Variants in EPM2A observed in about 807,000 individuals in gnomAD.
The protein encoded by EPM2A is EPM2A glucan phosphatase, laforin.
Under a neutral mutation model 26.5 loss-of-function variants are expected in EPM2A, and 21 were observed. The ratio of observed to expected loss-of-function variants is 0.79; its 90% CI spans 0.56 to 1.14. EPM2A has a LOEUF of 1.14. Ranked by LOEUF, EPM2A falls within the 50% of genes most tolerant of loss-of-function variation. The pLI is 0.00. For missense variants in EPM2A, 458 were observed against 440.8 expected (o/e 1.04, Z -0.35); for synonymous variants, 217 against 177.6 (o/e 1.22, Z -1.76).
intron 2 of EPM2A, among the ~76,000 whole-genome samples, chr6:145,648,677 G>T (rs1221085013): frequency 6.6e-6 from 1 of 152,080 alleles, no homozygotes; most frequent in African/African-American, 2.4e-5. Flanking sequence ...GAGGCAGTGG[G>T]GTGGCACCCA....
At chr6:145,547,012 A>G (rs1780590860) in intron 2 of EPM2A, among the ~76,000 whole-genome samples, 1 of 152,162 alleles carries the variant, frequency 6.6e-6, no homozygotes, top group Non-Finnish European at 1.5e-5. Context: ...TCAGGTATGC[A>G]TAAACAAATA....
rs148951955 is a variant in EPM2A at position 145,559,360 on chromosome 6, G to C, written c.341-56785C>G. On this transcript the variant is annotated intron_variant, in intron 2 of 3. Transcript: ENST00000450221. ...GGATTTGCAAAAATAAACAAATCCT[G>C]GTTCATCCTAGTTTTCACTTCTTGA... Among the ~76,000 whole-genome samples the C allele has an allele frequency of 5.3e-5, 8 of 152,074 alleles. No homozygotes were observed. The East Asian group carries it at 9.7e-4, about 18-fold the overall frequency.
chr6:145,635,343 C>T lies in EPM2A; in HGVS notation c.620G>A (p.Arg207His), dbSNP rs571938170. 309 of 1,614,046 alleles carry T rather than the reference C, an allele frequency of 1.9e-4. 1 individual carries two copies. In the South Asian group the frequency reaches 3.1e-3, roughly 16 times the overall value. The change falls in exon 3 of 4, where the codon CGC becomes CAC. Residue 207 changes from arginine (R) to histidine (H), a missense_variant. By Grantham distance (29) the Arg-to-His change is conservative. Transcript: ENST00000367519. The part of the protein sequence containing the change: ...DIVQNSSGCN[R>H]YPEPMTPDTM... ...GTCTGGAGTCATGGGCTCTGGGTAG[C>T]GGTTACAGCCTGAGGAATTCTGTAC...
chr6:145,671,238 C>A (rs1362279492), intron 2 of EPM2A: 2 of 1,048,952 alleles, frequency 1.9e-6, no homozygotes, highest in Non-Finnish European at 1.2e-6. Flanking sequence ...TGTATACATA[C>A]TTATTAAAAA....
intron 4 of EPM2A, among the ~76,000 whole-genome samples, chr6:145,466,338 G>C (rs1779392918): frequency 6.6e-6 from 1 of 152,096 alleles, no homozygotes; most frequent in African/African-American, 2.4e-5. Context: ...CAAAGGACAT[G>C]AACAGACACT....
At chr6:145,430,624 A>C (rs1778909498) in intron 4 of EPM2A, among the ~76,000 whole-genome samples, 1 of 152,110 alleles carries the variant, frequency 6.6e-6, no homozygotes, top group African/African-American at 2.4e-5. Flanking sequence ...AAGAACCATT[A>C]ATAGCATACG....
At chr6:145,535,104 A>G (rs1426510847) in intron 2 of EPM2A, among the ~76,000 whole-genome samples, 1 of 152,240 alleles carries the variant, frequency 6.6e-6, no homozygotes, top group Non-Finnish European at 1.5e-5. Flanking sequence ...GAAAAAGAAT[A>G]GATGAATCTT....
intron 4 of EPM2A, among the ~76,000 whole-genome samples, chr6:145,398,601 G>C (rs1392068337): frequency 6.6e-6 from 1 of 152,082 alleles, no homozygotes; most frequent in Non-Finnish European, 1.5e-5. Context: ...CTCCCAAAGT[G>C]CTGGGACTAC....
At chr6:145,507,071 C>G (rs1255176359) in intron 2 of EPM2A, among the ~76,000 whole-genome samples, 2 of 152,136 alleles carry the variant, frequency 1.3e-5, no homozygotes, top group Non-Finnish European at 2.9e-5. Context: ...CCAGCCAAGA[C>G]TGTGGTTTTA....
intron 2 of EPM2A, among the ~76,000 whole-genome samples, chr6:145,507,573 C>A (rs1779994311): frequency 6.6e-6 from 1 of 152,158 alleles, no homozygotes; most frequent in Non-Finnish European, 1.5e-5. Context: ...TTGTCCCAGA[C>A]CCAGGACCAA....
At chr6:145,608,103 C>T (rs185002353) in intron 2 of EPM2A, among the ~76,000 whole-genome samples, 2 of 152,274 alleles carry the variant, frequency 1.3e-5, no homozygotes. Context: ...ATTTTCCACA[C>T]AAAAAGATAT....
At chr6:145,490,632 A>T in intron 4 of EPM2A, 1 of 647,142 alleles carries the variant, frequency 1.5e-6, no homozygotes, top group Non-Finnish European at 3.0e-6. Context: ...GATACCTTTC[A>T]TTGCATATTT....
At chr6:145,432,058 C>T (rs1454615126) in intron 4 of EPM2A, among the ~76,000 whole-genome samples, 1 of 152,186 alleles carries the variant, frequency 6.6e-6, no homozygotes, top group African/African-American at 2.4e-5. Flanking sequence ...TGCAGCAATT[C>T]AGTCACATCT....
chr6:145,451,831 A>C (rs966864586), intron 4 of EPM2A, among the ~76,000 whole-genome samples: 1 of 152,228 alleles, frequency 6.6e-6, no homozygotes, highest in Non-Finnish European at 1.5e-5. Context: ...ATATCAGCAC[A>C]TATGAAACAT....
At chr6:145,666,353 T>C in intron 2 of EPM2A, among the ~76,000 whole-genome samples, 2 of 106,440 alleles carry the variant, frequency 1.9e-5, no homozygotes, top group African/African-American at 9.9e-5. Flanking sequence ...ATCACAAGCA[T>C]TCTTATACAC....
At chr6:145,680,266 C>T (rs1386836043) in intron 2 of EPM2A, 1 of 150,526 alleles carries the variant, frequency 6.6e-6, no homozygotes, top group Non-Finnish European at 1.5e-5. Flanking sequence ...TATGCCTTGG[C>T]TAAAAATCAA....
chr6:145,694,370 T>C (rs1431823915), intron 1 of EPM2A, among the ~76,000 whole-genome samples: 1 of 152,036 alleles, frequency 6.6e-6, no homozygotes, highest in Non-Finnish European at 1.5e-5. Context: ...TCTCTTCTAA[T>C]GGCAAAAACA....
At chr6:145,504,225 A>C (rs1184977817) in intron 2 of EPM2A, among the ~76,000 whole-genome samples, 4 of 124,758 alleles carry the variant, frequency 3.2e-5, no homozygotes, top group Non-Finnish European at 6.8e-5. Flanking sequence ...AATGGCAACA[A>C]AAGCCAAAAT....
At chr6:145,498,770 C>G (rs982049542), downstream of EPM2A, among the ~76,000 whole-genome samples, 3 of 152,138 alleles carry the variant, frequency 2.0e-5, no homozygotes, top group Non-Finnish European at 4.4e-5. Flanking sequence ...CCTTTTGTTC[C>G]TCTCCGTGAG....
Sources: gnomAD v4.1 joint callset for allele counts (sites outside exome capture counted in the v4.1 genomes callset) on GRCh38, gnomAD v4.1.1 for gene constraint, MANE v1.5 for transcripts, NCBI Gene and HGNC (gene_info 2026-07-23, HGNC 2026-07-21) for gene names.